The following HEXB variants were observed in gnomAD, a reference collection of about 807,000 sequenced individuals.
HEXB encodes the protein beta-hexosaminidase subunit beta.
A neutral mutation model predicts 71.2 loss-of-function variants in HEXB; 51 were observed. The ratio of observed to expected loss-of-function variants is 0.72; its 90% CI spans 0.57 to 0.90. The LOEUF is 0.90. Among genes scored for constraint, HEXB ranks in the 40% least tolerant of loss-of-function variants. HEXB has a pLI of 0.00. For synonymous variants in HEXB, 266 were observed against 249.3 expected, an observed-to-expected ratio of 1.07 and a Z score of -0.63; for missense variants, 617 against 677.0, an observed-to-expected ratio of 0.91 and a Z score of 0.98.
At chr5:74,650,253 C>T (rs1427402766) in intron 1 of HEXB, among the ~76,000 whole-genome samples, 1 of 152,186 alleles carries the variant, frequency 6.6e-6, no homozygotes, top group Non-Finnish European at 1.5e-5. Flanking sequence ...CACAGTAAAA[C>T]CTCAATCGTC....
chr5:74,645,955 AT>A (rs11413881), intron 1 of HEXB, among the ~76,000 whole-genome samples: 15 of 150,930 alleles, frequency 9.9e-5, no homozygotes, highest in Admixed American at 5.9e-4. Flanking sequence ...TCTGCATACT[AT>A]TTTTTTTTAA....
At chr5:74,643,832 G>T (rs758256374) in intron 1 of HEXB, among the ~76,000 whole-genome samples, 1 of 152,154 alleles carries the variant, frequency 6.6e-6, no homozygotes, top group Non-Finnish European at 1.5e-5. Context: ...TCCTGCCTCC[G>T]GTGGTCTCCT....
chr5:74,719,854 T>C (rs1265334379), intron 11 of HEXB: 13 of 157,032 alleles, frequency 8.3e-5, no homozygotes, highest in African/African-American at 2.9e-4. Context: ...AGGCAGAGAA[T>C]TGCTTGAACC....
rs1230843620 is a variant in HEXB, at chr5:74,721,227, T to C, written c.*52T>C. The C allele has an allele frequency of 4.4e-6, 6 of 1,358,416 alleles. No individual in the cohort carries two copies. The South Asian group carries it at 4.7e-5, about 11-fold the overall frequency. 84.1% of individuals were successfully genotyped at this position (1,358,416 alleles called of 1,614,324 possible). On this transcript the variant is annotated 3_prime_UTR_variant, in exon 14 of 14. Transcript: ENST00000261416. The stretch of plus-strand genomic sequence containing the variant: ...AATCTGTACTACAATCAACTTTATT[T>C]TGAAATCATGTAAAATAAGATATTA...
At position 74,700,407 on chromosome 5, in the gene HEXB, T is replaced by C. The variant is rs1749235276; in HGVS notation, c.669+3301T>C. Among the ~76,000 whole-genome samples, 3 of 152,174 alleles carry C rather than the reference T, an allele frequency of 2.0e-5. No individual in the cohort carries two copies. The South Asian group carries it at 6.2e-4, about 32-fold the overall frequency. On this transcript the variant is annotated intron_variant, in intron 5 of 13. Coordinates refer to ENST00000261416, the MANE Select transcript of HEXB (RefSeq NM_000521.4). Reference sequence around the variant, plus strand: ...TATAGTTGTCTATAGATTGTGCCACTGATACTTTTATATTTGCTTATATGT... The same window carrying C: ...TATAGTTGTCTATAGATTGTGCCACCGATACTTTTATATTTGCTTATATGT...
intron 5 of HEXB, among the ~76,000 whole-genome samples, chr5:74,701,011 T>A (rs1749247880): frequency 6.6e-6 from 1 of 151,572 alleles, no homozygotes; most frequent in Admixed American, 6.6e-5. Flanking sequence ...CCTGGCAAAA[T>A]TTTTTTATTT....
At chr5:74,640,619 G>A (rs1459754352) in intron 1 of HEXB, 1 of 152,378 alleles carries the variant, frequency 6.6e-6, no homozygotes, top group African/African-American at 2.4e-5. Flanking sequence ...GTGCGCTCGG[G>A]GGAGGGAGCT....
At chr5:74,643,628 T>C (rs1248968729) in intron 1 of HEXB, among the ~76,000 whole-genome samples, 1 of 152,226 alleles carries the variant, frequency 6.6e-6, no homozygotes, top group African/African-American at 2.4e-5. Context: ...AACAATGTTA[T>C]TTTGTTAGGC....
At chr5:74,651,424 A>G (rs1300878362) in intron 1 of HEXB, among the ~76,000 whole-genome samples, 1 of 152,212 alleles carries the variant, frequency 6.6e-6, no homozygotes, top group Admixed American at 6.5e-5. Flanking sequence ...GAAATATCAA[A>G]ATTATGCCCT....
chr5:74,710,714 A>G (rs1170878569), intron 6 of HEXB, among the ~76,000 whole-genome samples: 1 of 151,698 alleles, frequency 6.6e-6, no homozygotes, highest in African/African-American at 2.4e-5. Context: ...ATACCTAGGA[A>G]TCCAACTTAC....
chr5:74,670,529 C>T (rs931353712), intron 1 of HEXB, among the ~76,000 whole-genome samples: 39 of 152,164 alleles, frequency 2.6e-4, no homozygotes, highest in South Asian at 1.2e-3. Context: ...CTCTGCCCTC[C>T]GCCAGTGAAG....
upstream of HEXB, chr5:74,685,059 G>C: frequency 1.8e-6 from 1 of 557,098 alleles, no homozygotes; most frequent in Non-Finnish European, 3.0e-6. Context: ...GGCACCCCTG[G>C]AGGAAATTCT....
intron 1 of HEXB, among the ~76,000 whole-genome samples, chr5:74,663,981 C>A (rs753682269): frequency 6.6e-6 from 1 of 151,774 alleles, no homozygotes; most frequent in South Asian, 2.1e-4. Context: ...TTAGGCCAGG[C>A]GTGGTGGCAC....
intron 6 of HEXB, among the ~76,000 whole-genome samples, chr5:74,708,027 G>C (rs1338799826): frequency 6.6e-6 from 1 of 151,830 alleles, no homozygotes; most frequent in African/African-American, 2.4e-5. Flanking sequence ...AAAATGTTAA[G>C]GGCAGCCAGA....
intron 1 of HEXB, among the ~76,000 whole-genome samples, chr5:74,667,736 C>T (rs557526825): frequency 1.3e-5 from 2 of 152,258 alleles, no homozygotes; most frequent in African/African-American, 2.4e-5. Context: ...ACTTGCATTT[C>T]GCTAACTGAT....
chr5:74,653,080 G>A (rs906794737), intron 1 of HEXB, among the ~76,000 whole-genome samples: 1 of 152,290 alleles, frequency 6.6e-6, no homozygotes, highest in Non-Finnish European at 1.5e-5. Context: ...ATATGTGAAT[G>A]CTCTAGCTTG....
chr5:74,689,366 A>G lies in HEXB; in HGVS notation c.338A>G (p.His113Arg), dbSNP rs960912734. 3.1e-6 allele frequency: 5 copies of G among 1,613,212 alleles called. No individual in the cohort carries two copies. Among genetic ancestry groups the G allele is most frequent in the African/African-American group, 2.7e-5 (2 of 75,062 alleles). Reference protein sequence around the residue: ...GYIFGFYKWHHEPAEFQAKTQ... With the variant: ...GYIFGFYKWHREPAEFQAKTQ... ...ATTTTTGGTTTCTACAAGTGGCATCATGAACCTGCTGAATTCCAGGCTAAA... is the reference window on the plus strand; with the variant it reads ...ATTTTTGGTTTCTACAAGTGGCATCGTGAACCTGCTGAATTCCAGGCTAAA... The change falls in exon 2 of 14, where the codon CAT (histidine) becomes CGT (arginine). Residue 113 changes from histidine (H) to arginine (R), a missense_variant. Coordinates refer to ENST00000261416, the MANE Select transcript of HEXB (RefSeq NM_000521.4).
At chr5:74,699,773 G>A (rs1214062809) in intron 5 of HEXB, among the ~76,000 whole-genome samples, 1 of 151,652 alleles carries the variant, frequency 6.6e-6, no homozygotes, top group Admixed American at 6.6e-5. Context: ...TTATTTTTTG[G>A]TACATTTTAA....
At chr5:74,700,049 C>T (rs1257289529) in intron 5 of HEXB, among the ~76,000 whole-genome samples, 1 of 126,034 alleles carries the variant, frequency 7.9e-6, no homozygotes, top group Non-Finnish European at 1.6e-5. Context: ...TTCTGTTGCC[C>T]AGACTGGAGT....
Sources: gnomAD v4.1 joint callset for allele counts (sites outside exome capture counted in the v4.1 genomes callset) on GRCh38, gnomAD v4.1.1 for gene constraint, MANE v1.5 for transcripts, NCBI Gene and HGNC (gene_info 2026-07-23, HGNC 2026-07-21) for gene names.